Variants in WNK1 observed in about 807,000 individuals in gnomAD.
WNK1 encodes serine/threonine-protein kinase WNK1.
A neutral mutation model predicts 222.8 loss-of-function variants in WNK1; 38 were observed. The observed-to-expected ratio is 0.17, with a 90% confidence interval of 0.13 to 0.22. The LOEUF is 0.22. Among genes scored for constraint, WNK1 ranks in the 10% least tolerant of loss-of-function variants. The pLI is 1.00. For missense variants in WNK1, 2,348 were observed against 2,918.4 expected (o/e 0.80, Z 4.50); for synonymous variants, 1,090 against 1,092.9 (o/e 1.00, Z 0.05).
intron 8 of WNK1, chr12:869,311 T>C: frequency 1.5e-6 from 1 of 683,596 alleles, no homozygotes; most frequent in Non-Finnish European, 2.5e-6. Flanking sequence ...ATTTACCTAT[T>C]ATATGTGAAA....
At chr12:880,176 G>C in intron 11 of WNK1, 145 bp downstream of exon 11, 1 of 849,038 alleles carries the variant, frequency 1.2e-6, no homozygotes, top group Non-Finnish European at 1.9e-6. Flanking sequence ...TCTGAGAAAG[G>C]ATTGGATAAT....
At chr12:817,860 AGAGAATC>A (rs1947496342) in intron 2 of WNK1, among the ~76,000 whole-genome samples, 1 of 151,888 alleles carries the variant, frequency 6.6e-6, no homozygotes, top group East Asian at 1.9e-4. Flanking sequence ...GGCTGAGGCA[AGAGAATC>A]GCTTGACCCC....
chr12:856,469 AT>A (rs67629655), intron 4 of WNK1, among the ~76,000 whole-genome samples: 3,176 of 150,514 alleles, frequency 0.021, 115 homozygotes, highest in African/African-American at 0.072. Flanking sequence ...AAAAAAAAAA[AT>A]AAGAAAGAAT....
intron 1 of WNK1, among the ~76,000 whole-genome samples, chr12:767,338 C>T (rs1199405633): frequency 7.7e-5 from 11 of 143,644 alleles, no homozygotes; most frequent in Admixed American, 4.3e-4. Flanking sequence ...CTGCAACCTA[C>T]GCCTCCCGGA....
At chr12:835,039 C>T (rs767667829) in intron 4 of WNK1, among the ~76,000 whole-genome samples, 9 of 152,208 alleles carry the variant, frequency 5.9e-5, no homozygotes, top group Non-Finnish European at 1.3e-4. Context: ...CAATAATAGG[C>T]TGGGCCTGTA....
chr12:822,957 C>G (rs2154022969), intron 2 of WNK1, among the ~76,000 whole-genome samples: 1 of 152,268 alleles, frequency 6.6e-6, no homozygotes, highest in South Asian at 2.1e-4. Flanking sequence ...TACTGTCAAA[C>G]TCTTCCAGCT....
chr12:784,423 G>A (rs1239422961), intron 1 of WNK1, among the ~76,000 whole-genome samples: 1 of 151,950 alleles, frequency 6.6e-6, no homozygotes, highest in Non-Finnish European at 1.5e-5. Context: ...ATGAATTACA[G>A]TTTTTTAATT....
chr12:900,324 C>T lies in WNK1; in HGVS notation c.6449-152C>T, dbSNP rs148200332. On this transcript the variant is annotated intron_variant, in intron 25 of 27. Transcript: ENST00000315939. ...TCTTAGTGTCATTCCTCACTTCTCCCGTTAGTGAGGACTTTGTTCTTCTCA... is the reference window on the plus strand; with the variant it reads ...TCTTAGTGTCATTCCTCACTTCTCCTGTTAGTGAGGACTTTGTTCTTCTCA... The T allele has an allele frequency of 1.2e-4, 95 of 789,814 alleles. No individual in the cohort carries two copies. The South Asian group carries it at 1.2e-3, about 10-fold the overall frequency. The allele number at this position is 789,814 out of a possible 1,614,324, so 48.9% of individuals were successfully genotyped here.
chr12:832,115 G>A (rs538924650), intron 4 of WNK1, among the ~76,000 whole-genome samples: 26 of 151,818 alleles, frequency 1.7e-4, no homozygotes, highest in South Asian at 1.0e-3. Flanking sequence ...TCGCTCTGTC[G>A]CCCAGGCTGG....
intron 1 of WNK1, among the ~76,000 whole-genome samples, chr12:784,474 C>T (rs1184423579): frequency 6.6e-6 from 1 of 151,936 alleles, no homozygotes; most frequent in Non-Finnish European, 1.5e-5. Context: ...AATATGTTAG[C>T]ATTTAATATG....
Position 883,546 on chromosome 12 carries a change from A to G in WNK1, c.3641A>G (p.Asp1214Gly). Reference sequence around the variant, plus strand: ...TTGGAGAGTCTACAAGGAAAGGATGACTATGGCTTTTCAGGTTCTCAGGTA... The same window carrying G: ...TTGGAGAGTCTACAAGGAAAGGATGGCTATGGCTTTTCAGGTTCTCAGGTA... ...QGLESLQGKD[D>G]YGFSGSQKLE... is the part of the protein sequence containing the mutation. The change falls in exon 16 of 28, where the codon GAC becomes GGC. Residue 1214 changes from aspartate (D) to glycine (G), a missense_variant. Asp to Gly is a moderately conservative substitution (Grantham distance 94, BLOSUM62 -1). Transcript: ENST00000315939. 1.9e-6 allele frequency: 3 copies of G among 1,614,220 alleles called. No homozygotes were observed. Among genetic ancestry groups the G allele is most frequent in the African/African-American group, 2.7e-5 (2 of 75,058 alleles).
At chr12:769,742 C>G (rs1198880789) in intron 1 of WNK1, among the ~76,000 whole-genome samples, 2 of 152,096 alleles carry the variant, frequency 1.3e-5, no homozygotes, top group African/African-American at 4.8e-5. Context: ...ATTTGCGCTA[C>G]TATAACATAA....
rs1487070672 is a variant in WNK1, at chr12:908,937, G to A, written c.*145G>A. On this transcript the variant is annotated 3_prime_UTR_variant, in exon 28 of 28. Coordinates refer to ENST00000315939, the MANE Select transcript of WNK1 (RefSeq NM_018979.4). Reference sequence around the variant, plus strand: ...GCCAGAGGGGAATGTTTTTAATACTGCATTGAGCCCTCAGAATGGAGAGTC... The same window carrying A: ...GCCAGAGGGGAATGTTTTTAATACTACATTGAGCCCTCAGAATGGAGAGTC... The A allele has an allele frequency of 1.0e-5, 9 of 902,624 alleles. No homozygotes were observed. The highest frequency in any genetic ancestry group is 1.4e-5 in the Non-Finnish European group (8 of 585,930). The allele number at this position is 902,624 out of a possible 1,614,324, so 55.9% of individuals were successfully genotyped here.
intron 1 of WNK1, chr12:781,121 C>A (rs1565419851): frequency 6.5e-6 from 1 of 154,882 alleles, no homozygotes. Context: ...ACAACAACAA[C>A]AAAAACTGCT....
chr12:892,895 T>C (rs1954385335), intron 22 of WNK1, among the ~76,000 whole-genome samples: 1 of 152,166 alleles, frequency 6.6e-6, no homozygotes, highest in South Asian at 2.1e-4. Flanking sequence ...ATGGAAATAA[T>C]TCAGCACTTT....
chr12:760,759 A>C (rs1260621303), intron 1 of WNK1, among the ~76,000 whole-genome samples: 1 of 145,476 alleles, frequency 6.9e-6, no homozygotes, highest in Non-Finnish European at 1.5e-5. Context: ...TTTTATATGT[A>C]GTTTTTTTTT....
chr12:886,499 T>C (rs933985878), intron 19 of WNK1, among the ~76,000 whole-genome samples: 2 of 152,214 alleles, frequency 1.3e-5, no homozygotes, highest in African/African-American at 4.8e-5. Flanking sequence ...TCCACAGTTG[T>C]ACAGTTTGGG....
chr12:774,341 A>G (rs1164718928), intron 1 of WNK1, among the ~76,000 whole-genome samples: 2 of 152,014 alleles, frequency 1.3e-5, no homozygotes, highest in Non-Finnish European at 2.9e-5. Context: ...CTACCTCTCA[A>G]ACTCCATTCT....
intron 1 of WNK1, among the ~76,000 whole-genome samples, chr12:776,677 G>A (rs963463204): frequency 6.6e-5 from 10 of 151,948 alleles, no homozygotes; most frequent in African/African-American, 1.9e-4. Flanking sequence ...TGATCTGCCC[G>A]CCTTGGCCTC....
Sources: gnomAD v4.1 joint callset for allele counts (sites outside exome capture counted in the v4.1 genomes callset) on GRCh38, gnomAD v4.1.1 for gene constraint, MANE v1.5 for transcripts, NCBI Gene and HGNC (gene_info 2026-07-23, HGNC 2026-07-21) for gene names.